Variants in ZXDC observed in about 807,000 individuals in gnomAD.
ZXDC encodes the protein ZXD family zinc finger C.
A neutral mutation model predicts 63.6 loss-of-function variants in ZXDC; 58 were observed. The observed-to-expected ratio is 0.91, with a 90% confidence interval of 0.74 to 1.13. The LOEUF is 1.13. Ranked by LOEUF, ZXDC falls within the 50% of genes most tolerant of loss-of-function variation. The pLI is 0.00. For synonymous variants in ZXDC, 561 were observed against 496.1 expected (o/e 1.13, Z -1.74); for missense variants, 1,133 against 1,148.9 (o/e 0.99, Z 0.20).
chr3:126,460,286 T>C, intron 6 of ZXDC: 1 of 526,708 alleles, frequency 1.9e-6, no homozygotes. Flanking sequence ...ACATCAGCTG[T>C]TGCAAGTCTG....
In ZXDC at chr3:126,461,950, T is replaced by C. The variant is rs1456137562; in HGVS notation, c.1712A>G (p.His571Arg). The C allele has an allele frequency of 6.2e-7, 1 of 1,613,978 alleles. No homozygotes were observed. The highest frequency in any genetic ancestry group is 2.2e-5 in the East Asian group (1 of 44,882). The change falls in exon 6 of 10, where the codon CAC becomes CGC. Residue 571 changes from histidine (H) to arginine (R), a missense_variant. Physicochemically the swap from His to Arg is conservative, Grantham distance 29. Transcript: ENST00000389709. The stretch of plus-strand genomic sequence containing the variant: ...GTCCAGGCTTGGGGGAATATCACTG[T>C]GGGCCACCAGGACCAGGGGTTCCAT... ...GPMEPLVLVAHSDIPPSLDSP... is the reference protein window; with the variant it reads ...GPMEPLVLVARSDIPPSLDSP...
At chr3:126,453,176 T>A in intron 7 of ZXDC, 2 of 985,368 alleles carry the variant, frequency 2.0e-6, no homozygotes, top group Non-Finnish European at 2.4e-6. Context: ...CCTAGAAAAC[T>A]CTGCATTTTG....
chr3:126,445,012 G>A (rs1019401877), intron 7 of ZXDC, among the ~76,000 whole-genome samples: 1 of 152,078 alleles, frequency 6.6e-6, no homozygotes, highest in Non-Finnish European at 1.5e-5. Flanking sequence ...AAGCTAAATT[G>A]GTTTCAACTT....
At chr3:126,463,074 TA>T (rs146413515) in intron 5 of ZXDC, among the ~76,000 whole-genome samples, 91,288 of 150,956 alleles carry the variant, frequency 0.6, 28,124 homozygotes, top group South Asian at 0.74. Flanking sequence ...TTATTATTAT[TA>T]TTATTTTTTT....
At position 126,439,654 on chromosome 3, in the gene ZXDC, T is replaced by C. The variant is rs376091640; in HGVS notation, c.2468A>G (p.Asp823Gly). Residue 823 changes from aspartate (D) to glycine (G), a missense_variant, in exon 9 of 10, where the codon GAC becomes GGC. Physicochemically the swap from Asp to Gly is moderately conservative, Grantham distance 94 (BLOSUM62 -1). Coordinates refer to ENST00000389709, the MANE Select transcript of ZXDC (RefSeq NM_025112.5). ...PATFLPFLTV[D>G]LPVYVLQEVL... ...GACCTGGAGGACGTAGACGGGCAGG[T>C]CCACAGTGAGGAAGGGGAGGAAGGT... is the stretch of plus-strand genomic sequence containing the variant. 4.5e-6 allele frequency: 7 copies of C among 1,553,446 alleles called. No individual in the cohort carries two copies. In the African/African-American group the frequency reaches 9.6e-5, roughly 21 times the overall value.
intron 7 of ZXDC, chr3:126,452,033 AT>A (rs35798393): frequency 0.014 from 13,601 of 982,734 alleles, 110 homozygotes; most frequent in East Asian, 0.047. Flanking sequence ...GAATTCTAAT[AT>A]TTTTTTTTCC....
rs541275993 is a variant in ZXDC, at chr3:126,466,972, T to A, written c.1271-647A>T. The stretch of plus-strand genomic sequence containing the variant: ...CTGGCTTTCTACTACGCTGGAGCTC[T>A]GCCCCATATGGACACAGGAAGGAGA... On this transcript the variant is annotated intron_variant, in intron 4 of 9. Transcript: ENST00000389709. 8.3e-4 allele frequency among the ~76,000 whole-genome samples: 126 copies of A among 152,294 alleles called. 1 individual carries two copies. The highest frequency in any genetic ancestry group is 2.9e-3 in the African/African-American group (121 of 41,554).
chr3:126,467,804 G>A (rs75769933), intron 4 of ZXDC, among the ~76,000 whole-genome samples: 4,430 of 152,102 alleles, frequency 0.029, 226 homozygotes, highest in African/African-American at 0.1. Context: ...TCCTGAGCAC[G>A]GATTTCTAGA....
At chr3:126,445,042 G>GA (rs572867263) in intron 7 of ZXDC, among the ~76,000 whole-genome samples, 10 of 152,130 alleles carry the variant, frequency 6.6e-5, no homozygotes, top group South Asian at 4.2e-4. Flanking sequence ...CATACAATAT[G>GA]AAAAAAAATC....
At chr3:126,442,063 C>A in intron 7 of ZXDC, 117 bp from the exon 8 acceptor site, 1 of 1,206,332 alleles carries the variant, frequency 8.3e-7, no homozygotes, top group Non-Finnish European at 1.1e-6. Flanking sequence ...TTCTGCACAG[C>A]TAAGAGACGT....
intron 7 of ZXDC, chr3:126,451,660 T>A: frequency 1.0e-6 from 1 of 985,370 alleles, no homozygotes; most frequent in Non-Finnish European, 1.2e-6. Flanking sequence ...CTCAGTCAGA[T>A]CTACCAATGT....
At chr3:126,461,431 T>C in intron 6 of ZXDC, 104 bp downstream of exon 6, 3 of 1,453,930 alleles carry the variant, frequency 2.1e-6, no homozygotes, top group Non-Finnish European at 2.7e-6. Context: ...CGTCCTTTTG[T>C]AAACCAGAAA....
chr3:126,459,417 C>T, intron 7 of ZXDC: 2 of 985,446 alleles, frequency 2.0e-6, no homozygotes, highest in Non-Finnish European at 2.4e-6. Flanking sequence ...TGTTTGAACG[C>T]TTAACTTTCA....
In ZXDC at chr3:126,475,195, T is replaced by C. The variant is rs1214221257; in HGVS notation, c.671A>G (p.Lys224Arg). Residue 224 changes from lysine to arginine, a missense_variant, in exon 1 of 10, where the codon AAG becomes AGG. Transcript: ENST00000389709. The stretch of plus-strand genomic sequence containing the variant: ...GTGCGACTGCAGGTGCCGCTTGAGC[T>C]TGTAGGACGTTGTGAAGGCCCAACC... ...GCGWAFTTSY[K>R]LKRHLQSHDK... 6 of 1,587,236 alleles carry C rather than the reference T, an allele frequency of 3.8e-6. No homozygotes were observed. The highest frequency in any genetic ancestry group is 5.1e-6 in the Non-Finnish European group (6 of 1,167,032).
At chr3:126,469,241 G>A (rs1175871822) in intron 4 of ZXDC, among the ~76,000 whole-genome samples, 1 of 152,106 alleles carries the variant, frequency 6.6e-6, no homozygotes, top group Non-Finnish European at 1.5e-5. Context: ...TCTTCTTTGA[G>A]AATTTCATCC....
At chr3:126,452,343 G>A (rs1366998221) in intron 7 of ZXDC, 1 of 985,328 alleles carries the variant, frequency 1.0e-6, no homozygotes, top group Non-Finnish European at 1.2e-6. Context: ...GCTGTGGGAA[G>A]AGTGAGAGGC....
At chr3:126,458,025 A>C (rs1352634772) in intron 7 of ZXDC, among the ~76,000 whole-genome samples, 2 of 152,246 alleles carry the variant, frequency 1.3e-5, no homozygotes, top group Non-Finnish European at 2.9e-5. Flanking sequence ...AGAACCCTAC[A>C]GCTGTCAAAC....
At position 126,454,088 on chromosome 3, in the gene ZXDC, T is replaced by G. The variant is rs890171242; in HGVS notation, c.2212+5565A>C. ...TATTTTTTTTTTTGGTAAAGACTTT[T>G]GTATAGTTTTCCTGATGCCCTAATT... On this transcript the variant is annotated intron_variant, in intron 7 of 9. Transcript: ENST00000389709. The G allele has an allele frequency of 3.0e-5, 27 of 910,574 alleles. No homozygotes were observed. In the African/African-American group the frequency reaches 4.5e-4, roughly 15 times the overall value. The allele number at this position is 910,574 out of a possible 1,614,324, so 56.4% of individuals were successfully genotyped here.
At chr3:126,445,585 G>T (rs978199261) in intron 7 of ZXDC, among the ~76,000 whole-genome samples, 1 of 151,444 alleles carries the variant, frequency 6.6e-6, no homozygotes, top group Non-Finnish European at 1.5e-5. Context: ...CAGCCTCCCC[G>T]TTTTTTGGCA....
Sources: allele counts gnomAD v4.1 joint callset (sites outside exome capture counted in the v4.1 genomes callset), GRCh38; gene constraint gnomAD v4.1.1; transcripts MANE v1.5; gene names NCBI Gene and HGNC (gene_info 2026-07-23, HGNC 2026-07-21).